The following AGR2 variants were observed in gnomAD, a reference collection of about 807,000 sequenced individuals.
AGR2 encodes the protein anterior gradient protein 2 homolog.
AGR2 carries 27 observed loss-of-function variants against 25.9 expected under a neutral mutation model. That is an observed-to-expected ratio of 1.04 (90% CI 0.77 to 1.44). AGR2 has a LOEUF of 1.44. AGR2 is among the 40% of genes most tolerant of loss of function. The probability of loss-of-function intolerance (pLI) is 0.00; values close to 1 mark genes in which losing one functional copy is unlikely to be tolerated. For synonymous variants in AGR2, 78 were observed against 72.0 expected, an observed-to-expected ratio of 1.08 and a Z score of -0.42; for missense variants, 182 against 200.9, an observed-to-expected ratio of 0.91 and a Z score of 0.57.
At chr7:16,799,674 G>A (rs546661571) in intron 5 of AGR2, 70 bp downstream of exon 5, 5 of 1,156,534 alleles carry the variant, frequency 4.3e-6, no homozygotes, top group Non-Finnish European at 5.1e-6. Flanking sequence ...AGATGTATAG[G>A]AAAAATGAAT....
At chr7:16,793,054 G>A in intron 7 of AGR2, 97 bp from the exon 8 acceptor site, 1 of 1,204,784 alleles carries the variant, frequency 8.3e-7, no homozygotes, top group Admixed American at 1.9e-5. Context: ...TATTTAATGG[G>A]ATGCTTTTTT....
chr7:16,799,149 G>A lies in AGR2; in HGVS notation c.330+595C>T, dbSNP rs181965146. ...AGAGGCAAGGAAGAACTACTGGTGC[G>A]AAGTGGTCTTTAAGGAAGCCAACCT... On this transcript the variant is annotated intron_variant, in intron 5 of 7. Transcript: ENST00000419304. Among the ~76,000 whole-genome samples the A allele has an allele frequency of 2.3e-3, 344 of 152,262 alleles. 1 individual carries two copies. The highest frequency in any genetic ancestry group is 7.8e-3 in the African/African-American group (323 of 41,560).
At position 16,801,705 on chromosome 7, in the gene AGR2, T is replaced by C; in HGVS notation, c.92A>G (p.Lys31Arg). 1 of 1,613,686 alleles carries C rather than the reference T, an allele frequency of 6.2e-7. No homozygotes were observed. The highest frequency in any genetic ancestry group is 8.5e-7 in the Non-Finnish European group (1 of 1,179,872). Residue 31 changes from lysine (K) to arginine (R), a missense_variant, in exon 2 of 8, where the codon AAG becomes AGG. Transcript: ENST00000419304. ...TTTGGGTCGAGAGTCCTTTGTGTCC[T>C]TTTTGGCTCCAGGTTTGACTGTGGT... ...RDTTVKPGAK[K>R]DTKDSRPKLP...
At position 16,800,750 on chromosome 7, in the gene AGR2, C is replaced by CT. The variant is rs142591806; in HGVS notation, c.256+400dup. 7.9e-3 allele frequency among the ~76,000 whole-genome samples: 1,199 copies of CT among 152,270 alleles called. 15 individuals carry two copies. Among genetic ancestry groups the CT allele is most frequent in the African/African-American group, 0.027 (1,141 of 41,560 alleles). ...GGTAGAGCCCCTTGTTGAAGAATTA[C>CT]TAAGACTTTTAAGACAATGATAGCC... On this transcript the variant is annotated intron_variant, in intron 4 of 7. Coordinates refer to ENST00000419304, the MANE Select transcript of AGR2 (RefSeq NM_006408.4).
At chr7:16,796,714 A>G (rs921362488) in intron 6 of AGR2, among the ~76,000 whole-genome samples, 1 of 152,232 alleles carries the variant, frequency 6.6e-6, no homozygotes. Flanking sequence ...TATTTATTAC[A>G]TAACCACCCC....
rs759961688 is a variant in AGR2, at chr7:16,794,916, G to A, written c.478+20C>T. ...GGTGTTCAACTCTTGGGCAACATCC[G>A]AATTGAAGGTCACACTTACACAGAG... On this transcript the variant is annotated intron_variant, in intron 7 of 7. Transcript: ENST00000419304. The A allele has an allele frequency of 9.3e-6, 15 of 1,613,926 alleles. No individual in the cohort carries two copies. The highest frequency in any genetic ancestry group is 1.6e-4 in the Middle Eastern group (1 of 6,084).
At chr7:16,797,541 G>T in intron 6 of AGR2, 90 bp downstream of exon 6, 1 of 1,092,192 alleles carries the variant, frequency 9.2e-7, no homozygotes, top group Non-Finnish European at 1.4e-6. Context: ...ATTGGCCATG[G>T]CAACGTGGCA....
At chr7:16,799,588 C>A in intron 5 of AGR2, 156 bp downstream of exon 5, 1 of 549,346 alleles carries the variant, frequency 1.8e-6, no homozygotes, top group Non-Finnish European at 3.2e-6. Context: ...ATTATTAATA[C>A]AACGAAATAT....
intron 4 of AGR2, among the ~76,000 whole-genome samples, chr7:16,800,280 G>A (rs1364925244): frequency 6.6e-6 from 1 of 152,232 alleles, no homozygotes; most frequent in Non-Finnish European, 1.5e-5. Context: ...AGATCTTCCT[G>A]AGGAGCTAAC....
Position 16,792,704 on chromosome 7 carries a change from G to A in AGR2, c.*204C>T, listed in dbSNP as rs1296063692. On this transcript the variant is annotated 3_prime_UTR_variant, in exon 8 of 8. Coordinates refer to ENST00000419304, the MANE Select transcript of AGR2 (RefSeq NM_006408.4). Reference sequence around the variant, plus strand: ...TTTTAGAAAATCATGGCTCACTATGGTAGTATACAATATTGTTTTCACACA... The same window carrying A: ...TTTTAGAAAATCATGGCTCACTATGATAGTATACAATATTGTTTTCACACA... The A allele has an allele frequency of 8.6e-6, 5 of 579,308 alleles. No homozygotes were observed. Among genetic ancestry groups the A allele is most frequent in the African/African-American group, 1.9e-5 (1 of 53,466 alleles). The allele number at this position is 579,308 out of a possible 1,614,324, so 35.9% of individuals were successfully genotyped here.
intron 1 of AGR2, among the ~76,000 whole-genome samples, chr7:16,802,749 T>G (rs1562528488): frequency 6.6e-6 from 1 of 151,864 alleles, no homozygotes. Flanking sequence ...GTTATCTATA[T>G]AGATATATAT....
At chr7:16,796,281 T>A (rs925567907) in intron 6 of AGR2, among the ~76,000 whole-genome samples, 3 of 152,214 alleles carry the variant, frequency 2.0e-5, no homozygotes, top group Non-Finnish European at 4.4e-5. Context: ...TCCACAGGGA[T>A]GCTGTACAAA....
intron 1 of AGR2, among the ~76,000 whole-genome samples, chr7:16,802,927 G>C (rs576153700): frequency 1.3e-5 from 2 of 151,968 alleles, no homozygotes; most frequent in Non-Finnish European, 2.9e-5. Flanking sequence ...CCACCTCCTG[G>C]GTTCAAGTGA....
At chr7:16,798,885 A>G (rs1468282349) in intron 5 of AGR2, among the ~76,000 whole-genome samples, 1 of 152,234 alleles carries the variant, frequency 6.6e-6, no homozygotes, top group Non-Finnish European at 1.5e-5. Flanking sequence ...GCAGTGAGGA[A>G]CATACTGAGT....
At position 16,797,727 on chromosome 7, in the gene AGR2, CTT is replaced by C. The variant is rs370433013; in HGVS notation, c.331-35_331-34del. ...AAAAAGAAAAGCATCTTTTAGTTTA[CTT>C]TGACTTTTCAGTCGTTTTCAAACTT... On this transcript the variant is annotated intron_variant, in intron 5 of 7. Coordinates refer to ENST00000419304, the MANE Select transcript of AGR2 (RefSeq NM_006408.4). 4.4e-6 allele frequency: 7 copies of C among 1,591,648 alleles called. No individual in the cohort carries two copies. In the African/African-American group the frequency reaches 5.4e-5, roughly 12 times the overall value.
intron 6 of AGR2, among the ~76,000 whole-genome samples, chr7:16,796,659 T>C (rs920618224): frequency 2.1e-4 from 31 of 150,994 alleles, no homozygotes; most frequent in Admixed American, 1.4e-3. Flanking sequence ...TGAGCAGAAA[T>C]AGGTACAGTC....
At chr7:16,797,776 T>C in intron 5 of AGR2, 82 bp from the exon 6 acceptor site, 3 of 1,186,598 alleles carry the variant, frequency 2.5e-6, no homozygotes, top group Non-Finnish European at 3.7e-6. Context: ...AATCTGTCCA[T>C]TTCCGGCCAG....
At chr7:16,803,870 C>G (rs551804186) in intron 1 of AGR2, among the ~76,000 whole-genome samples, 13 of 152,126 alleles carry the variant, frequency 8.5e-5, no homozygotes, top group Non-Finnish European at 1.6e-4. Context: ...CAAATAATTT[C>G]TTTGAATCTA....
chr7:16,796,762 A>G (rs555611388), intron 6 of AGR2, among the ~76,000 whole-genome samples: 8 of 152,230 alleles, frequency 5.3e-5, no homozygotes, highest in Non-Finnish European at 1.0e-4. Flanking sequence ...GTATGACTAC[A>G]AGAGCACATA....
Sources: allele counts gnomAD v4.1 joint callset (sites outside exome capture counted in the v4.1 genomes callset), GRCh38; gene constraint gnomAD v4.1.1; transcripts MANE v1.5; gene names NCBI Gene and HGNC (gene_info 2026-07-23, HGNC 2026-07-21).